GEN1: variants seen among roughly 807,000 people sequenced by gnomAD.
GEN1 encodes GEN1 structure-specific endonuclease, also known as flap endonuclease GEN homolog 1.
Under a neutral mutation model 67.6 loss-of-function variants are expected in GEN1, and 64 were observed. The observed-to-expected ratio is 0.95, with a 90% CI of 0.77 to 1.17. GEN1 has a LOEUF of 1.17. Among genes scored for constraint, GEN1 ranks in the 50% most tolerant of loss-of-function variants. GEN1 has a pLI of 0.00. For synonymous variants in GEN1, 371 were observed against 359.4 expected (o/e 1.03, Z -0.37); for missense variants, 1,058 against 1,048.3 (o/e 1.01, Z -0.13).
chr2:17,780,472 A>G, intron 13 of GEN1, 149 bp from the exon 14 acceptor site: 1 of 584,502 alleles, frequency 1.7e-6, no homozygotes, highest in Non-Finnish European at 3.0e-6. Flanking sequence ...TCAGAGGGAA[A>G]TATTTTATAA....
In GEN1 at chr2:17,773,199, A is replaced by G. The variant is rs369653067; in HGVS notation, c.991-20A>G. The G allele has an allele frequency of 5.7e-6, 9 of 1,571,488 alleles. No homozygotes were observed. The highest frequency in any genetic ancestry group is 2.7e-5 in the African/African-American group (2 of 73,516). On this transcript the variant is annotated intron_variant, in intron 9 of 13. Transcript: ENST00000381254. ...CTTAAAAGTTTAAATCTCAGTTTCT[A>G]TTTTCTTTTTTCTTGCTAGGTTATT...
intron 1 of GEN1, among the ~76,000 whole-genome samples, chr2:17,758,811 G>A (rs145185009): frequency 8.0e-5 from 12 of 149,500 alleles, no homozygotes; most frequent in African/African-American, 2.2e-4. Context: ...CTGAGATCTC[G>A]CCACTGCGCT....
rs975461911 is a variant in GEN1, at chr2:17,774,980, T to C, written c.1202+579T>C. 5.3e-5 allele frequency among the ~76,000 whole-genome samples: 8 copies of C among 152,008 alleles called. No individual in the cohort carries two copies. In the East Asian group the frequency reaches 1.4e-3, roughly 26 times the overall value. On this transcript the variant is annotated intron_variant, in intron 11 of 13. Transcript: ENST00000381254. ...CTCAAAGAGACTAGAGAGATAGAAG[T>C]GAAGACAGATAAAATATAAAAGAAT...
In GEN1 at chr2:17,780,598, ATATG is replaced by A. The variant is rs1296184871; in HGVS notation, c.1409-19_1409-16del. Reference sequence around the variant, plus strand: ...AAAGCAAAGAAAATAAATGTTGATTATATGTATTTTTTTTCTTTTCAGGTATTAA... The same window carrying A: ...AAAGCAAAGAAAATAAATGTTGATTATATTTTTTTTCTTTTCAGGTATTAA... On this transcript the variant is annotated intron_variant, in intron 13 of 13. Transcript: ENST00000381254. 7.3e-7 allele frequency: 1 copy of A among 1,378,096 alleles called. No homozygotes were observed. Among genetic ancestry groups the A allele is most frequent in the Non-Finnish European group, 9.9e-7 (1 of 1,007,684 alleles). The allele number at this position is 1,378,096 out of a possible 1,614,324, so 85.4% of individuals were successfully genotyped here. A position where few individuals can be genotyped will look rare whatever the true frequency, so the allele number is the denominator to read the frequency against.
chr2:17,780,874 G>A lies in GEN1; in HGVS notation c.1662G>A (p.Gln554=). The A allele has an allele frequency of 6.2e-7, 1 of 1,613,774 alleles. No individual in the cohort carries two copies. The highest frequency in any genetic ancestry group is 8.5e-7 in the Non-Finnish European group (1 of 1,179,834). The change falls in exon 14 of 14, where the codon CAG becomes CAA. Residue 554 remains glutamine, a synonymous_variant. Transcript: ENST00000381254. ...FMSSLRPLAI[Q]QIKAVSKSLI... ...CTTCTCTAAGACCTTTGGCTATACAGCAAATTAAAGCTGTCAGTAAGTCTC... is the reference window on the plus strand; with the variant it reads ...CTTCTCTAAGACCTTTGGCTATACAACAAATTAAAGCTGTCAGTAAGTCTC...
rs1472936241 is a variant in GEN1, at chr2:17,788,897, T to G, written c.*6958T>G. ...GCAGTAACTGCTCTGATGTAATTAT[T>G]GCTAACATTTACGTTTTTATTAAAC... On this transcript the variant is annotated 3_prime_UTR_variant, in exon 14 of 14. Transcript: ENST00000381254. The G allele has an allele frequency of 6.6e-6, 1 of 152,268 alleles. No individual in the cohort carries two copies. The highest frequency in any genetic ancestry group is 2.4e-5 in the African/African-American group (1 of 41,470). The allele number at this position is 152,268 out of a possible 1,614,324, so 9.4% of individuals were successfully genotyped here.
At position 17,781,188 on chromosome 2, in the gene GEN1, A is replaced by G; in HGVS notation, c.1976A>G (p.His659Arg). The change falls in exon 14 of 14, where the codon CAT (histidine) becomes CGT (arginine). Residue 659 changes from histidine (H) to arginine (R), a missense_variant. His to Arg is a conservative substitution (Grantham distance 29). Coordinates refer to ENST00000381254, the MANE Select transcript of GEN1 (RefSeq NM_001130009.3). Reference protein sequence around the residue: ...EDSDGISPEEHLLSGITDLCL... With the variant: ...EDSDGISPEERLLSGITDLCL... Reference sequence around the variant, plus strand: ...TCTGATGGGATTAGTCCTGAAGAGCATCTACTTTCTGGCATTACTGATTTA... The same window carrying G: ...TCTGATGGGATTAGTCCTGAAGAGCGTCTACTTTCTGGCATTACTGATTTA... 6.2e-7 allele frequency: 1 copy of G among 1,613,878 alleles called. No individual in the cohort carries two copies. Among genetic ancestry groups the G allele is most frequent in the Non-Finnish European group, 8.5e-7 (1 of 1,179,798 alleles).
intron 6 of GEN1, among the ~76,000 whole-genome samples, chr2:17,769,622 A>C (rs2125138464): frequency 6.6e-6 from 1 of 152,348 alleles, no homozygotes; most frequent in Non-Finnish European, 1.5e-5. Context: ...CATTAATTGA[A>C]ATCTTACTCG....
At position 17,787,638 on chromosome 2, in the gene GEN1, A is replaced by T. The variant is rs977710361; in HGVS notation, c.*5699A>T. 2.0e-5 allele frequency: 3 copies of T among 152,268 alleles called. No individual in the cohort carries two copies. The highest frequency in any genetic ancestry group is 4.4e-5 in the Non-Finnish European group (3 of 68,076). The allele number at this position is 152,268 out of a possible 1,614,324, so 9.4% of individuals were successfully genotyped here. ...CACCCGGCAGAGGGATTGGCACAGA[A>T]AGTGTCCAGTGAGGCCGGGTGTGGG... On this transcript the variant is annotated 3_prime_UTR_variant, in exon 14 of 14. Transcript: ENST00000381254.
intron 12 of GEN1, among the ~76,000 whole-genome samples, chr2:17,778,701 G>A (rs192764099): frequency 1.3e-5 from 2 of 151,428 alleles, no homozygotes; most frequent in Non-Finnish European, 1.5e-5. Flanking sequence ...CAAATGCTGT[G>A]GTCATTCAAT....
rs143372639 is a variant in GEN1, at chr2:17,781,842, C to A, written c.2630C>A (p.Ser877Tyr). 2.1e-4 allele frequency: 331 copies of A among 1,608,438 alleles called. No individual in the cohort carries two copies. In the African/African-American group the frequency reaches 4.2e-3, roughly 20 times the overall value. Reference sequence around the variant, plus strand: ...GATTCAACAAAAAGTTCTCTGAGTTCTCTACAATGTCATAAGAAAGAAAAC... The same window carrying A: ...GATTCAACAAAAAGTTCTCTGAGTTATCTACAATGTCATAAGAAAGAAAAC... The part of the protein sequence containing the change: ...FPDSTKSSLS[S>Y]LQCHKKENNS... The change falls in exon 14 of 14, where the codon TCT becomes TAT. Residue 877 changes from serine to tyrosine, a missense_variant. Physicochemically the swap from Ser to Tyr is moderately radical, Grantham distance 144 (BLOSUM62 -2). Coordinates refer to ENST00000381254, the MANE Select transcript of GEN1 (RefSeq NM_001130009.3).
chr2:17,781,468 T>C lies in GEN1; in HGVS notation c.2256T>C (p.Thr752=). 6.2e-7 allele frequency: 1 copy of C among 1,613,558 alleles called. No individual in the cohort carries two copies. The highest frequency in any genetic ancestry group is 8.5e-7 in the Non-Finnish European group (1 of 1,179,902). ...QLLQEDYKVN[T]SVPYSVSNTV... is the part of the protein sequence containing the mutation. Reference sequence around the variant, plus strand: ...TTCAAGAAGACTATAAAGTCAATACTTCTGTCCCTTATTCTGTCAGTAACA... The same window carrying C: ...TTCAAGAAGACTATAAAGTCAATACCTCTGTCCCTTATTCTGTCAGTAACA... The change falls in exon 14 of 14, where the codon ACT becomes ACC. Residue 752 remains threonine, a synonymous_variant. Transcript: ENST00000381254.
Position 17,782,954 on chromosome 2 carries a change from A to G in GEN1, c.*1015A>G, listed in dbSNP as rs1672913160. Reference sequence around the variant, plus strand: ...TGCAGATGACAAGATTGTATGCATCAAAAATTCTAAGAAATCCACTAGAAA... The same window carrying G: ...TGCAGATGACAAGATTGTATGCATCGAAAATTCTAAGAAATCCACTAGAAA... On this transcript the variant is annotated 3_prime_UTR_variant, in exon 14 of 14. Coordinates refer to ENST00000381254, the MANE Select transcript of GEN1 (RefSeq NM_001130009.3). 3 of 152,250 alleles carry G rather than the reference A, an allele frequency of 2.0e-5. No individual in the cohort carries two copies. Among genetic ancestry groups the G allele is most frequent in the African/African-American group, 7.2e-5 (3 of 41,456 alleles). 9.4% of individuals were successfully genotyped at this position (152,250 alleles called of 1,614,324 possible).
intron 3 of GEN1, among the ~76,000 whole-genome samples, chr2:17,762,203 G>GTTTT (rs528367680): frequency 2.4e-5 from 3 of 125,666 alleles, no homozygotes; most frequent in African/African-American, 6.0e-5. Context: ...TTTTTTGGTT[G>GTTTT]TTTTTTTTTT....
At chr2:17,779,844 A>C (rs1167905390) in intron 12 of GEN1, 134 bp from the exon 13 acceptor site, 5 of 568,316 alleles carry the variant, frequency 8.8e-6, no homozygotes, top group Non-Finnish European at 1.2e-5. Flanking sequence ...CTGGTCTCGA[A>C]CTCCTGACCT....
chr2:17,762,350 C>T (rs557557910), intron 3 of GEN1, among the ~76,000 whole-genome samples: 20 of 151,216 alleles, frequency 1.3e-4, no homozygotes, highest in African/African-American at 3.6e-4. Context: ...TACAGGCGCC[C>T]GCCACCACAC....
intron 12 of GEN1, among the ~76,000 whole-genome samples, chr2:17,778,333 TATGTATACACACAC>T (rs1420971892): frequency 0.055 from 2,149 of 38,908 alleles, 362 homozygotes; most frequent in Middle Eastern, 0.11. Context: ...CGTGTACATA[TATGTATACACACAC>T]ATGTGTGTAC....
rs759275628 is a variant in GEN1 at position 17,780,811 on chromosome 2, A to G, written c.1599A>G (p.Lys533=). ...CATTGAATAGCTTGCTTTTACCTAA[A>G]AATACTCCATGTTTGAATGCACAAG... ...SASLNSLLLP[K]NTPCLNAQEQ... Residue 533 remains lysine, a synonymous_variant, in exon 14 of 14, where the codon AAA becomes AAG. Coordinates refer to ENST00000381254, the MANE Select transcript of GEN1 (RefSeq NM_001130009.3). 6.2e-7 allele frequency: 1 copy of G among 1,613,978 alleles called. No homozygotes were observed. Among genetic ancestry groups the G allele is most frequent in the Non-Finnish European group, 8.5e-7 (1 of 1,179,908 alleles).
rs746535039 is a variant in GEN1, at chr2:17,774,292, G to A, written c.1093G>A (p.Glu365Lys). 1.3e-6 allele frequency: 2 copies of A among 1,567,608 alleles called. No homozygotes were observed. The highest frequency in any genetic ancestry group is 2.4e-5 in the South Asian group (2 of 84,484). The change falls in exon 11 of 14, where the codon GAG (glutamate) becomes AAG (lysine). Residue 365 changes from glutamate (E) to lysine (K), a missense_variant. Glu to Lys is a moderately conservative substitution (Grantham distance 56). Coordinates refer to ENST00000381254, the MANE Select transcript of GEN1 (RefSeq NM_001130009.3). Reference sequence around the variant, plus strand: ...ATAGAGATTTACTCTTGAAAAAATGGAGTGGCCCAATCACTATGCATGTGA... The same window carrying A: ...ATAGAGATTTACTCTTGAAAAAATGAAGTGGCCCAATCACTATGCATGTGA... ...LFQRFTLEKMEWPNHYACEKL... is the reference protein window; with the variant it reads ...LFQRFTLEKMKWPNHYACEKL...
Sources: gnomAD v4.1 joint callset for allele counts (sites outside exome capture counted in the v4.1 genomes callset) on GRCh38, gnomAD v4.1.1 for gene constraint, MANE v1.5 for transcripts, NCBI Gene and HGNC (gene_info 2026-07-23, HGNC 2026-07-21) for gene names.